The following LOC128462377 variants were observed in gnomAD, a reference collection of about 807,000 sequenced individuals.
At chr16:89,358,610 ATAAT>A in the LOC128462377 span, among the ~76,000 whole-genome samples, 6 of 152,352 alleles carry the variant, frequency 3.9e-5, no homozygotes, top group East Asian at 5.8e-4. Flanking sequence ...TTTAAAAATA[ATAAT>A]TAATAAATAA....
the LOC128462377 span, among the ~76,000 whole-genome samples, chr16:89,409,884 G>C: frequency 1.0e-4 from 15 of 148,380 alleles, no homozygotes; most frequent in Admixed American, 7.3e-4. Context: ...CTGTCGCCCA[G>C]GCTGGAGTGT....
chr16:89,321,726 G>A, the LOC128462377 span, among the ~76,000 whole-genome samples: 2 of 152,124 alleles, frequency 1.3e-5, no homozygotes, highest in African/African-American at 2.4e-5. Context: ...CTTCTTTGGG[G>A]TTGAAATTCA....
the LOC128462377 span, among the ~76,000 whole-genome samples, chr16:89,406,335 C>G: frequency 6.6e-6 from 1 of 152,114 alleles, no homozygotes; most frequent in African/African-American, 2.4e-5. Flanking sequence ...CAGGTCACGG[C>G]GGGCACGGGA....
the LOC128462377 span, among the ~76,000 whole-genome samples, chr16:89,386,862 C>T: frequency 2.6e-5 from 4 of 152,098 alleles, no homozygotes; most frequent in Admixed American, 6.5e-5. Flanking sequence ...GAGCTGTGTG[C>T]GAACAGACAA....
At chr16:89,361,676 T>C in the LOC128462377 span, 1 of 152,136 alleles carries the variant, frequency 6.6e-6, no homozygotes, top group Non-Finnish European at 1.5e-5. Flanking sequence ...GACCTTCCAC[T>C]CCTGCTGAAA....
the LOC128462377 span, among the ~76,000 whole-genome samples, chr16:89,377,394 T>C: frequency 1.3e-5 from 2 of 151,756 alleles, no homozygotes; most frequent in African/African-American, 4.8e-5. Context: ...GAGAAAACTA[T>C]GTCTGGAGGT....
chr16:89,413,658 A>G, the LOC128462377 span, among the ~76,000 whole-genome samples: 1 of 152,168 alleles, frequency 6.6e-6, no homozygotes, highest in Non-Finnish European at 1.5e-5. Flanking sequence ...AAGTGAACTC[A>G]CAGTGGCACC....
At chr16:89,332,247 T>G in the LOC128462377 span, among the ~76,000 whole-genome samples, 1 of 152,120 alleles carries the variant, frequency 6.6e-6, no homozygotes, top group Non-Finnish European at 1.5e-5. Flanking sequence ...ACAAGCAGAC[T>G]ATAAACACTG....
chr16:89,401,814 C>T, the LOC128462377 span, among the ~76,000 whole-genome samples: 1 of 152,148 alleles, frequency 6.6e-6, no homozygotes, highest in African/African-American at 2.4e-5. Flanking sequence ...AAGAGGGAGG[C>T]GGAGATCGTG....
At chr16:89,358,911 G>T in the LOC128462377 span, among the ~76,000 whole-genome samples, 4 of 151,868 alleles carry the variant, frequency 2.6e-5, no homozygotes, top group East Asian at 7.7e-4. Context: ...CCACAGCCTC[G>T]ACCTCCTGGG....
At chr16:89,413,624 A>AAAAGAAAAAAAT in the LOC128462377 span, among the ~76,000 whole-genome samples, 1 of 152,152 alleles carries the variant, frequency 6.6e-6, no homozygotes, top group East Asian at 1.9e-4. Context: ...CTGTCTCAAA[A>AAAAGAAAAAAAT]AAAGAAAAAA....
chr16:89,330,818 T>G, the LOC128462377 span, among the ~76,000 whole-genome samples: 3 of 152,196 alleles, frequency 2.0e-5, no homozygotes, highest in African/African-American at 7.2e-5. Context: ...GGGAGGCAGA[T>G]CAAAGATTCT....
At chr16:89,379,001 C>T in the LOC128462377 span, among the ~76,000 whole-genome samples, 4 of 152,356 alleles carry the variant, frequency 2.6e-5, no homozygotes, top group South Asian at 2.1e-4. Flanking sequence ...AGCGTCAAGA[C>T]GCCTCCTGCA....
the LOC128462377 span, among the ~76,000 whole-genome samples, chr16:89,416,405 G>A: frequency 4.0e-5 from 6 of 151,866 alleles, no homozygotes; most frequent in Non-Finnish European, 7.4e-5. Flanking sequence ...TTCAAGCAAC[G>A]CTCCTGCCTC....
At chr16:89,390,371 TGA>T in the LOC128462377 span, among the ~76,000 whole-genome samples, 1 of 132,076 alleles carries the variant, frequency 7.6e-6, no homozygotes, top group African/African-American at 2.9e-5. Flanking sequence ...CGGGGAGCAC[TGA>T]GAGAGAGAAG....
At chr16:89,384,874 G>GTTTTTTTTTTTTTTTTTTTTTTTTTTT in the LOC128462377 span, among the ~76,000 whole-genome samples, 1 of 72,752 alleles carries the variant, frequency 1.4e-5, no homozygotes, top group African/African-American at 5.6e-5. Context: ...ATGAGAAATA[G>GTTTTTTTTTTTTTTTTTTTTTTTTTTT]TTTTCTTTTT....
chr16:89,317,058 C>T, the LOC128462377 span: 29 of 1,592,922 alleles, frequency 1.8e-5, no homozygotes, highest in South Asian at 5.6e-5. Context: ...ACACGGCCGG[C>T]GCTTCATCAT....
the LOC128462377 span, among the ~76,000 whole-genome samples, chr16:89,391,155 A>G: frequency 2.0e-5 from 3 of 151,012 alleles, no homozygotes; most frequent in Non-Finnish European, 4.4e-5. Flanking sequence ...GTGAACCCGG[A>G]AGGCGGAGCT....
chr16:89,415,896 G>A, the LOC128462377 span, among the ~76,000 whole-genome samples: 1 of 146,552 alleles, frequency 6.8e-6, no homozygotes, highest in South Asian at 2.2e-4. Flanking sequence ...GCCCTCACAT[G>A]CCCATGTGGG....
Sources: allele counts gnomAD v4.1 joint callset (sites outside exome capture counted in the v4.1 genomes callset), GRCh38; gene constraint gnomAD v4.1.1; transcripts MANE v1.5.